FHIT: variants seen among roughly 807,000 people sequenced by gnomAD.
FHIT encodes the protein bis(5'-adenosyl)-triphosphatase.
FHIT carries 19 observed loss-of-function variants against 17.9 expected under a neutral mutation model. That is an observed-to-expected ratio of 1.06 (90% confidence interval 0.74 to 1.56). FHIT has a LOEUF of 1.56. FHIT is among the 40% of genes most tolerant of loss of function. FHIT has a pLI of 0.00. For synonymous variants in FHIT, 81 were observed against 69.7 expected (o/e 1.16, Z -0.81); for missense variants, 248 against 189.2 (o/e 1.31, Z -1.82).
At chr3:60,836,133 CT>C (rs1702533966) in intron 3 of FHIT, among the ~76,000 whole-genome samples, 1 of 152,196 alleles carries the variant, frequency 6.6e-6, no homozygotes, top group African/African-American at 2.4e-5. Context: ...CTGGACTAGA[CT>C]CCATTTCGTC....
chr3:59,827,464 T>C (rs950220768), intron 8 of FHIT, among the ~76,000 whole-genome samples: 1 of 152,246 alleles, frequency 6.6e-6, no homozygotes, highest in Non-Finnish European at 1.5e-5. Context: ...TGACATCAAT[T>C]GTCATTCTGC....
At chr3:59,855,246 C>A (rs1702105193) in intron 8 of FHIT, among the ~76,000 whole-genome samples, 1 of 152,062 alleles carries the variant, frequency 6.6e-6, no homozygotes, top group Non-Finnish European at 1.5e-5. Flanking sequence ...GAATAAACAC[C>A]CATGAATGCC....
chr3:59,797,827 G>A (rs887817115), intron 8 of FHIT, among the ~76,000 whole-genome samples: 3 of 152,192 alleles, frequency 2.0e-5, no homozygotes, highest in African/African-American at 7.2e-5. Context: ...TTCAGTGGGT[G>A]TCTTAAATAG....
intron 4 of FHIT, among the ~76,000 whole-genome samples, chr3:60,551,694 G>C (rs1255633847): frequency 6.8e-6 from 1 of 147,698 alleles, no homozygotes; most frequent in East Asian, 2.1e-4. Context: ...GGAAGTTGAT[G>C]CTGCAGTGAG....
At chr3:60,291,641 G>A (rs1707989659) in intron 5 of FHIT, among the ~76,000 whole-genome samples, 2 of 152,112 alleles carry the variant, frequency 1.3e-5, no homozygotes, top group South Asian at 2.1e-4. Context: ...CTTTTCATTA[G>A]AAAGAAAATT....
intron 3 of FHIT, among the ~76,000 whole-genome samples, chr3:60,860,105 GAT>G (rs1703583303): frequency 6.8e-6 from 1 of 147,220 alleles, no homozygotes; most frequent in South Asian, 2.1e-4. Context: ...TGATATATCT[GAT>G]ATATGATATA....
intron 7 of FHIT, among the ~76,000 whole-genome samples, chr3:60,000,818 G>C (rs1344037332): frequency 6.6e-6 from 1 of 152,038 alleles, no homozygotes. Context: ...CACAGCATAA[G>C]TCCCAGTGTA....
intron 5 of FHIT, among the ~76,000 whole-genome samples, chr3:60,269,026 G>A (rs1328437894): frequency 2.0e-5 from 3 of 152,190 alleles, no homozygotes; most frequent in African/African-American, 7.2e-5. Context: ...AGAGCTTCCA[G>A]AGGAAACACA....
At chr3:60,541,175 T>A (rs9850777) in intron 4 of FHIT, among the ~76,000 whole-genome samples, 25,913 of 152,150 alleles carry the variant, frequency 0.17, 3,218 homozygotes, top group African/African-American at 0.33. Context: ...ACATTCCTCC[T>A]AAGACAGTCA....
intron 4 of FHIT, among the ~76,000 whole-genome samples, chr3:60,707,572 A>G (rs9844497): frequency 0.11 from 16,921 of 152,172 alleles, 2,057 homozygotes; most frequent in African/African-American, 0.3. Flanking sequence ...ATCAGAGGGA[A>G]CCCATCTACA....
intron 3 of FHIT, among the ~76,000 whole-genome samples, chr3:61,019,205 T>C (rs1489251165): frequency 6.6e-6 from 1 of 152,236 alleles, no homozygotes; most frequent in Non-Finnish European, 1.5e-5. Context: ...TTTATATGTA[T>C]GTCTTCTCTA....
At chr3:60,945,862 T>C (rs1553775664) in intron 3 of FHIT, among the ~76,000 whole-genome samples, 2 of 152,134 alleles carry the variant, frequency 1.3e-5, no homozygotes, top group African/African-American at 4.8e-5. Flanking sequence ...CAGGTGAAGA[T>C]ATAAAATAGT....
chr3:59,809,328 T>C (rs899338411), intron 8 of FHIT, among the ~76,000 whole-genome samples: 36 of 152,220 alleles, frequency 2.4e-4, no homozygotes, highest in African/African-American at 8.7e-4. Context: ...AGAGTGAATC[T>C]GCTGTAAGCC....
At chr3:60,417,763 A>C (rs1702305588) in intron 5 of FHIT, among the ~76,000 whole-genome samples, 1 of 152,176 alleles carries the variant, frequency 6.6e-6, no homozygotes, top group African/African-American at 2.4e-5. Context: ...ACCCTGTCTC[A>C]GTTCATTACT....
At chr3:59,978,252 G>A (rs2107417708) in intron 7 of FHIT, among the ~76,000 whole-genome samples, 1 of 152,174 alleles carries the variant, frequency 6.6e-6, no homozygotes, top group Non-Finnish European at 1.5e-5. Flanking sequence ...ACTCGCTAAA[G>A]TTTGTGGTCT....
intron 5 of FHIT, among the ~76,000 whole-genome samples, chr3:60,479,763 C>T (rs554260149): frequency 2.6e-5 from 4 of 152,188 alleles, no homozygotes; most frequent in Non-Finnish European, 4.4e-5. Context: ...ATTGCACATG[C>T]GAGGGATCTA....
rs189878083 is a variant in FHIT, at chr3:60,684,283, T to A, written c.-18+137636A>T. Among the ~76,000 whole-genome samples, 85 of 152,182 alleles carry A rather than the reference T, an allele frequency of 5.6e-4. 1 individual carries two copies. The highest frequency in any genetic ancestry group is 1.0e-3 in the Non-Finnish European group (71 of 67,994). On this transcript the variant is annotated intron_variant, in intron 4 of 9. Coordinates refer to ENST00000492590, the MANE Select transcript of FHIT (RefSeq NM_002012.4). ...GTCTCCCAAAATAATCCAGGATGAT[T>A]TCCTCATCTCAAGATCCTCAATTTA...
chr3:60,142,693 T>C (rs1477062232), intron 5 of FHIT, among the ~76,000 whole-genome samples: 1 of 139,942 alleles, frequency 7.1e-6, no homozygotes, highest in Non-Finnish European at 1.6e-5. Flanking sequence ...TTTTTTTTTT[T>C]CTTTTTTTTT....
At chr3:59,907,028 G>C (rs937967045) in intron 8 of FHIT, among the ~76,000 whole-genome samples, 2 of 152,192 alleles carry the variant, frequency 1.3e-5, no homozygotes, top group Non-Finnish European at 2.9e-5. Flanking sequence ...GAATCACAAA[G>C]TATCAGAGCT....
Sources: gnomAD v4.1 joint callset for allele counts (sites outside exome capture counted in the v4.1 genomes callset) on GRCh38, gnomAD v4.1.1 for gene constraint, MANE v1.5 for transcripts, NCBI Gene and HGNC (gene_info 2026-07-23, HGNC 2026-07-21) for gene names.